UGP2: variants seen among roughly 807,000 people sequenced by gnomAD.
UGP2 encodes UTP--glucose-1-phosphate uridylyltransferase.
A neutral mutation model predicts 49.0 loss-of-function variants in UGP2; 40 were observed. That is an observed-to-expected ratio of 0.82 (90% CI 0.63 to 1.06). UGP2 has a LOEUF of 1.06. Among genes scored for constraint, UGP2 ranks in the 50% least tolerant of loss-of-function variants. The pLI is 0.00. For missense variants in UGP2, 460 were observed against 603.5 expected, an observed-to-expected ratio of 0.76 and a Z score of 2.49; for synonymous variants, 225 against 213.0, an observed-to-expected ratio of 1.06 and a Z score of -0.49.
At chr2:63,856,460 C>T (rs1379054014) in intron 2 of UGP2, 27 bp downstream of exon 2, 4 of 1,552,390 alleles carry the variant, frequency 2.6e-6, no homozygotes, top group Non-Finnish European at 3.5e-6. Context: ...AGTGTTCCAC[C>T]CCCCCGCCCC....
intron 6 of UGP2, 52 bp downstream of exon 6, chr2:63,885,938 G>T: frequency 6.7e-7 from 1 of 1,487,502 alleles, no homozygotes; most frequent in South Asian, 1.5e-5. Context: ...CATTTCGTAA[G>T]TTATGAAGTT....
intron 5 of UGP2, among the ~76,000 whole-genome samples, chr2:63,885,268 A>G (rs537175715): frequency 3.9e-5 from 6 of 152,192 alleles, no homozygotes; most frequent in South Asian, 4.1e-4. Flanking sequence ...TCACAACTAC[A>G]TAAGTTTGAG....
chr2:63,883,750 A>G (rs1436091001), intron 4 of UGP2, among the ~76,000 whole-genome samples: 2 of 152,214 alleles, frequency 1.3e-5, no homozygotes, highest in Non-Finnish European at 2.9e-5. Context: ...TTTCTATCTC[A>G]GAGGGTAGTG....
chr2:63,862,957 G>T, intron 3 of UGP2: 1 of 431,578 alleles, frequency 2.3e-6, no homozygotes, highest in Non-Finnish European at 4.6e-6. Context: ...ATTTCTGTTA[G>T]CATACCTTTC....
rs909518997 is a variant in UGP2, at chr2:63,885,069, G to A, written c.576-520G>A. On this transcript the variant is annotated intron_variant, in intron 5 of 9. Coordinates refer to ENST00000337130, the MANE Select transcript of UGP2 (RefSeq NM_006759.4). ...TATTTTCTAGTCTTTAGTCTGTTGC[G>A]GTGCTAGCTCCCGTTTTCCTCTTGC... Among the ~76,000 whole-genome samples, 6 of 119,650 alleles carry A rather than the reference G, an allele frequency of 5.0e-5. No homozygotes were observed. In the East Asian group the frequency reaches 1.1e-3, roughly 23 times the overall value. The allele number at this position is 119,650 out of a possible 152,430, so 78.5% of individuals were successfully genotyped here.
chr2:63,856,499 C>T, intron 2 of UGP2, 66 bp downstream of exon 2: 1 of 1,430,484 alleles, frequency 7.0e-7, no homozygotes, highest in Non-Finnish European at 9.3e-7. Context: ...TGCTGAGTTG[C>T]TGCCGGTGAT....
chr2:63,858,980 T>C (rs1026538328), intron 3 of UGP2, among the ~76,000 whole-genome samples: 1 of 146,084 alleles, frequency 6.8e-6, no homozygotes, highest in Non-Finnish European at 1.5e-5. Flanking sequence ...GGTGTAGAAG[T>C]GTAGTTTCCT....
At chr2:63,842,462 G>T in intron 1 of UGP2, 3 of 1,542,496 alleles carry the variant, frequency 1.9e-6, no homozygotes, top group Non-Finnish European at 2.6e-6. Flanking sequence ...CGCTTTCCTG[G>T]ATAGTGGCTG....
At chr2:63,861,073 G>A (rs1259598780) in intron 3 of UGP2, among the ~76,000 whole-genome samples, 3 of 151,876 alleles carry the variant, frequency 2.0e-5, no homozygotes, top group Admixed American at 6.6e-5. Flanking sequence ...AGTTTATAGC[G>A]TTATGGATAA....
upstream of UGP2, chr2:63,841,864 G>A (rs1235195273): frequency 2.1e-5 from 6 of 280,108 alleles, no homozygotes; most frequent in East Asian, 3.8e-4. Context: ...TTTCATTGAA[G>A]AAATTTAAGT....
intron 1 of UGP2, 154 bp from the exon 2 acceptor site, chr2:63,856,152 C>T (rs1669402817): frequency 3.5e-6 from 3 of 847,388 alleles, no homozygotes; most frequent in Non-Finnish European, 3.5e-6. Context: ...CGAGTCCTAA[C>T]TAGTTGACAC....
At chr2:63,868,831 G>A (rs1037522524) in intron 3 of UGP2, among the ~76,000 whole-genome samples, 3 of 151,808 alleles carry the variant, frequency 2.0e-5, no homozygotes, top group African/African-American at 7.3e-5. Context: ...AAAATTAGCC[G>A]GGCGTGGTGG....
chr2:63,851,423 TG>T lies in UGP2; in HGVS notation c.20-4882del, dbSNP rs1669034367. Reference sequence around the variant, plus strand: ...GAGTGATTAAAACTCCCAAATCAGTTGTGGTAGAAAGAAAGGCCTCTTGGAA... The same window carrying T: ...GAGTGATTAAAACTCCCAAATCAGTTTGGTAGAAAGAAAGGCCTCTTGGAA... On this transcript the variant is annotated intron_variant, in intron 1 of 9. Coordinates refer to ENST00000337130, the MANE Select transcript of UGP2 (RefSeq NM_006759.4). Among the ~76,000 whole-genome samples, 2 of 152,138 alleles carry T rather than the reference TG, an allele frequency of 1.3e-5. 1 individual carries two copies. The highest frequency in any genetic ancestry group is 4.1e-4 in the South Asian group (2 of 4,830).
intron 3 of UGP2, among the ~76,000 whole-genome samples, chr2:63,870,822 G>T (rs761225075): frequency 1.4e-4 from 21 of 152,292 alleles, no homozygotes; most frequent in Non-Finnish European, 2.6e-4. Flanking sequence ...TAGAGCCAGA[G>T]AACTTAGCAG....
At chr2:63,874,659 TAGC>T (rs1670786925) in intron 3 of UGP2, among the ~76,000 whole-genome samples, 1 of 152,092 alleles carries the variant, frequency 6.6e-6, no homozygotes, top group Non-Finnish European at 1.5e-5. Flanking sequence ...TTTAGCAACT[TAGC>T]AGAGTGGGAG....
chr2:63,864,808 C>G (rs1283047834), intron 3 of UGP2, among the ~76,000 whole-genome samples: 2 of 152,182 alleles, frequency 1.3e-5, no homozygotes, highest in African/African-American at 2.4e-5. Flanking sequence ...ACCCTCACTT[C>G]TCTTTGAAGT....
chr2:63,846,781 A>C (rs1286809354), intron 1 of UGP2, among the ~76,000 whole-genome samples: 1 of 152,236 alleles, frequency 6.6e-6, no homozygotes, highest in Non-Finnish European at 1.5e-5. Flanking sequence ...CTGATTATTT[A>C]GATGATGAGG....
At chr2:63,886,854 G>C (rs1016900846) in intron 7 of UGP2, among the ~76,000 whole-genome samples, 2 of 152,178 alleles carry the variant, frequency 1.3e-5, no homozygotes, top group Non-Finnish European at 2.9e-5. Context: ...CTTTGCATGA[G>C]TTTTCTGAAC....
intron 3 of UGP2, among the ~76,000 whole-genome samples, chr2:63,879,432 G>T (rs760792782): frequency 6.6e-6 from 1 of 152,090 alleles, no homozygotes; most frequent in African/African-American, 2.4e-5. Context: ...TTCACTCCAA[G>T]TTACATCTAG....
Sources: allele counts gnomAD v4.1 joint callset (sites outside exome capture counted in the v4.1 genomes callset), GRCh38; gene constraint gnomAD v4.1.1; transcripts MANE v1.5; gene names NCBI Gene and HGNC (gene_info 2026-07-23, HGNC 2026-07-21).